FBRSL1: variants seen among roughly 807,000 people sequenced by gnomAD.
FBRSL1 encodes fibrosin-1-like protein.
FBRSL1 carries 51 observed loss-of-function variants against 89.6 expected under a neutral mutation model. That is an observed-to-expected ratio of 0.57 (90% confidence interval 0.45 to 0.72). The LOEUF (loss-of-function observed/expected upper bound fraction) is 0.72, where lower values mean the gene tolerates loss of function less well. FBRSL1 is among the 30% of genes least tolerant of loss of function. The probability of loss-of-function intolerance (pLI) is 0.00; values close to 1 mark genes in which losing one functional copy is unlikely to be tolerated. For synonymous variants in FBRSL1, 779 were observed against 681.1 expected, an observed-to-expected ratio of 1.14 and a Z score of -2.24; for missense variants, 1,618 against 1,451.8, an observed-to-expected ratio of 1.11 and a Z score of -1.86.
At chr12:132,510,040 G>A (rs2034153709) in intron 2 of FBRSL1, 3 of 1,231,260 alleles carry the variant, frequency 2.4e-6, no homozygotes, top group Non-Finnish European at 3.0e-6. Context: ...GAGCAGCCCG[G>A]CCCACTCACG....
At chr12:132,572,947 C>T (rs2040136433) in intron 11 of FBRSL1, among the ~76,000 whole-genome samples, 1 of 152,234 alleles carries the variant, frequency 6.6e-6, no homozygotes, top group South Asian at 2.1e-4. Context: ...AGCAGCCTCA[C>T]AGGCCGTCCT....
At position 132,581,755 on chromosome 12, in the gene FBRSL1, C is replaced by G. The variant is rs1224120765; in HGVS notation, c.1927C>G (p.Pro643Ala). 1.9e-6 allele frequency: 3 copies of G among 1,550,010 alleles called. No individual in the cohort carries two copies. The highest frequency in any genetic ancestry group is 2.6e-6 in the Non-Finnish European group (3 of 1,146,828). The part of the protein sequence containing the change: ...TGPLTDPFSR[P>A]STFGGLGSLS... ...TGCCCCCACAGACCCTTTCAGCAGACCGAGCACCTTTGGGGGCCTGGGCAG... is the reference window on the plus strand; with the variant it reads ...TGCCCCCACAGACCCTTTCAGCAGAGCGAGCACCTTTGGGGGCCTGGGCAG... The change falls in exon 17 of 19, where the codon CCG becomes GCG. Residue 643 changes from proline (P) to alanine (A), a missense_variant. Physicochemically the swap from Pro to Ala is conservative, Grantham distance 27 (BLOSUM62 -1). Transcript: ENST00000680143.
chr12:132,571,290 CTCTT>C lies in FBRSL1; in HGVS notation c.1377+61_1377+64del. The C allele has an allele frequency of 3.3e-6, 5 of 1,515,726 alleles. No homozygotes were observed. The South Asian group carries it at 3.7e-5, about 11-fold the overall frequency. The allele number at this position is 1,515,726 out of a possible 1,614,324, so 93.9% of individuals were successfully genotyped here. A position where few individuals can be genotyped will look rare whatever the true frequency, so the allele number is the denominator to read the frequency against. On this transcript the variant is annotated intron_variant, in intron 9 of 18. Transcript: ENST00000680143. ...GGCCAACGTGCCTCTCTGTCTCTCT[CTCTT>C]TTTCTCTTGTAGATCACGAGCTGCT...
intron 2 of FBRSL1, among the ~76,000 whole-genome samples, chr12:132,515,938 CAGACAAT>C (rs1423364918): frequency 3.5e-5 from 5 of 143,528 alleles, no homozygotes; most frequent in African/African-American, 1.3e-4. Context: ...AGGTAGGAAA[CAGACAAT>C]AGAGGAAATG....
At chr12:132,564,916 GC>G (rs1566213258) in intron 5 of FBRSL1, among the ~76,000 whole-genome samples, 34 of 141,808 alleles carry the variant, frequency 2.4e-4, no homozygotes, top group African/African-American at 9.8e-4. Context: ...GGCGTGAGCC[GC>G]GGCCGGCCGC....
intron 2 of FBRSL1, among the ~76,000 whole-genome samples, chr12:132,524,565 G>A (rs892598591): frequency 1.2e-4 from 18 of 152,226 alleles, no homozygotes; most frequent in African/African-American, 3.6e-4. Context: ...CCTGGGACGG[G>A]TTTCCCCGGG....
chr12:132,503,390 T>C (rs1379640728), intron 1 of FBRSL1, among the ~76,000 whole-genome samples: 6 of 152,202 alleles, frequency 3.9e-5, no homozygotes, highest in African/African-American at 1.2e-4. Context: ...CGGGGCAGTT[T>C]CTGTGGGTGC....
chr12:132,514,531 G>A (rs554388817), intron 2 of FBRSL1, among the ~76,000 whole-genome samples: 3 of 152,358 alleles, frequency 2.0e-5, no homozygotes, highest in South Asian at 2.1e-4. Context: ...GGGAGACCCC[G>A]AGGGGGAAGG....
intron 1 of FBRSL1, among the ~76,000 whole-genome samples, chr12:132,505,219 G>A (rs1295669962): frequency 6.6e-6 from 1 of 152,208 alleles, no homozygotes; most frequent in Non-Finnish European, 1.5e-5. Flanking sequence ...GGGTGAGCGC[G>A]GCCGCTGCTG....
intron 18 of FBRSL1, 75 bp downstream of exon 18, chr12:132,582,341 T>C (rs1488852279): frequency 1.7e-6 from 2 of 1,174,442 alleles, no homozygotes; most frequent in Admixed American, 4.9e-5. Context: ...TCATCCCCGG[T>C]TCCCCCTCCC....
intron 4 of FBRSL1, among the ~76,000 whole-genome samples, chr12:132,536,181 T>A (rs571840354): frequency 4.3e-4 from 64 of 150,082 alleles, no homozygotes; most frequent in African/African-American, 1.5e-3. Flanking sequence ...CACGATGGTG[T>A]GTGAGTGCAC....
chr12:132,505,400 C>T (rs779639374), intron 1 of FBRSL1, among the ~76,000 whole-genome samples: 1 of 152,152 alleles, frequency 6.6e-6, no homozygotes, highest in Non-Finnish European at 1.5e-5. Context: ...TGGGGCTGCC[C>T]AGGGCACGCA....
intron 2 of FBRSL1, among the ~76,000 whole-genome samples, chr12:132,517,592 T>C (rs1223118740): frequency 6.6e-6 from 1 of 152,224 alleles, no homozygotes; most frequent in Admixed American, 6.5e-5. Flanking sequence ...TGAGCACAGC[T>C]GTGCCTGGGA....
At chr12:132,562,545 G>A (rs1272583847) in intron 5 of FBRSL1, among the ~76,000 whole-genome samples, 1 of 41,446 alleles carries the variant, frequency 2.4e-5, no homozygotes, top group African/African-American at 1.2e-4. Flanking sequence ...GTTTCACCCT[G>A]CAGAAGCCTG....
In FBRSL1 at chr12:132,527,887, G is replaced by A. The variant is rs537940026; in HGVS notation, c.580-66G>A. The A allele has an allele frequency of 1.2e-5, 18 of 1,471,018 alleles. No homozygotes were observed. In the East Asian group the frequency reaches 1.7e-4, roughly 14 times the overall value. The allele number at this position is 1,471,018 out of a possible 1,614,324, so 91.1% of individuals were successfully genotyped here. ...GGCTGAGGGCTGCAGGGCAGCTGTC[G>A]GGTGCATCCCTGGGAGTTTGTTCCG... is the stretch of plus-strand genomic sequence containing the variant. On this transcript the variant is annotated intron_variant, in intron 3 of 18. Coordinates refer to ENST00000680143, the MANE Select transcript of FBRSL1 (RefSeq NM_001367871.1).
At position 132,570,452 on chromosome 12, in the gene FBRSL1, C is replaced by T; in HGVS notation, c.1125C>T (p.Leu375=). Residue 375 remains leucine, a synonymous_variant, in exon 8 of 19, where the codon CTC becomes CTT. Coordinates refer to ENST00000680143, the MANE Select transcript of FBRSL1 (RefSeq NM_001367871.1). ...LALRSQAQHQ[L]HAAMFAAPPT... The stretch of plus-strand genomic sequence containing the variant: ...TCCGGTCCCAGGCGCAGCACCAGCT[C>T]CACGCGGCCATGTTTGCCGCACCCC... The T allele has an allele frequency of 6.5e-7, 1 of 1,534,160 alleles. No homozygotes were observed. The highest frequency in any genetic ancestry group is 2.5e-5 in the East Asian group (1 of 40,766).
intron 4 of FBRSL1, among the ~76,000 whole-genome samples, chr12:132,530,537 C>T (rs950672894): frequency 1.3e-5 from 2 of 152,136 alleles, no homozygotes; most frequent in East Asian, 3.9e-4. Context: ...GTCCCCAGGG[C>T]ACCTGGGTCT....
intron 2 of FBRSL1, chr12:132,510,049 C>T: frequency 1.1e-5 from 13 of 1,231,188 alleles, no homozygotes; most frequent in Non-Finnish European, 1.3e-5. Flanking sequence ...GGCCCACTCA[C>T]GCCTTCACTC....
intron 2 of FBRSL1, among the ~76,000 whole-genome samples, chr12:132,519,530 T>C (rs1354847780): frequency 6.6e-6 from 1 of 152,214 alleles, no homozygotes; most frequent in Non-Finnish European, 1.5e-5. Context: ...CTCATACAGC[T>C]GGGCTGCAGT....
Sources: allele counts gnomAD v4.1 joint callset (sites outside exome capture counted in the v4.1 genomes callset), GRCh38; gene constraint gnomAD v4.1.1; transcripts MANE v1.5; gene names NCBI Gene and HGNC (gene_info 2026-07-23, HGNC 2026-07-21).